The following BNC1 variants were observed in gnomAD, a reference collection of about 807,000 sequenced individuals.
BNC1 encodes basonuclin zinc finger protein 1.
Under a neutral mutation model 66.5 loss-of-function variants are expected in BNC1, and 8 were observed. The ratio of observed to expected loss-of-function variants is 0.12; its 90% confidence interval spans 0.07 to 0.22. The LOEUF (loss-of-function observed/expected upper bound fraction) is 0.22. Ranked by LOEUF, BNC1 falls within the 10% of genes least tolerant of loss-of-function variation. The pLI is 1.00. For missense variants in BNC1, 1,069 were observed against 1,241.3 expected, an observed-to-expected ratio of 0.86 and a Z score of 2.09; for synonymous variants, 454 against 452.6, an observed-to-expected ratio of 1.00 and a Z score of -0.04.
intron 1 of BNC1, among the ~76,000 whole-genome samples, chr15:83,279,833 T>C (rs903846238): frequency 5.3e-5 from 8 of 152,160 alleles, no homozygotes; most frequent in African/African-American, 1.9e-4. Flanking sequence ...GGTTTCTCAC[T>C]CCAAGTATGA....
chr15:83,275,150 A>G (rs902441029), intron 1 of BNC1, among the ~76,000 whole-genome samples: 2 of 152,266 alleles, frequency 1.3e-5, no homozygotes, highest in African/African-American at 4.8e-5. Flanking sequence ...TAAAGGGCAG[A>G]GACAGGAAAT....
intron 1 of BNC1, among the ~76,000 whole-genome samples, chr15:83,276,657 C>G (rs2038326608): frequency 6.6e-6 from 1 of 152,192 alleles, no homozygotes. Context: ...ACTGTAAGAC[C>G]TGTCTGCCTT....
In BNC1 at chr15:83,263,312, T is replaced by G; in HGVS notation, c.1939A>C (p.Arg647=). Residue 647 remains arginine, a synonymous_variant, in exon 4 of 5, where the codon AGG becomes CGG. Coordinates refer to ENST00000345382, the MANE Select transcript of BNC1 (RefSeq NM_001717.4). ...EQTPALIMVP[R]EVEDGGHEHY... ...TCATGGCCACCATCCTCGACCTCCC[T>G]TGGCACCATGATCAATGCTGGTGTC... The G allele has an allele frequency of 6.2e-7, 1 of 1,614,220 alleles. No homozygotes were observed. The highest frequency in any genetic ancestry group is 8.5e-7 in the Non-Finnish European group (1 of 1,180,038).
rs148160146 is a variant in BNC1 at position 83,260,597 on chromosome 15, A to G, written c.2300+2354T>C. ...TTCACTGCAGAAGTAATCACATTCAACTGTAATTGCCTGTTTCTGGTCTGT... is the reference window on the plus strand; with the variant it reads ...TTCACTGCAGAAGTAATCACATTCAGCTGTAATTGCCTGTTTCTGGTCTGT... On this transcript the variant is annotated intron_variant, in intron 4 of 4. Coordinates refer to ENST00000345382, the MANE Select transcript of BNC1 (RefSeq NM_001717.4). Among the ~76,000 whole-genome samples the G allele has an allele frequency of 1.4e-3, 214 of 152,250 alleles. 1 individual carries two copies. The highest frequency in any genetic ancestry group is 2.2e-3 in the Admixed American group (33 of 15,288).
At chr15:83,266,267 G>A (rs1423613082) in intron 3 of BNC1, among the ~76,000 whole-genome samples, 1 of 139,578 alleles carries the variant, frequency 7.2e-6, no homozygotes, top group Non-Finnish European at 1.6e-5. Context: ...GGGAGGGAGG[G>A]AGGGAGGGAG....
At chr15:83,283,064 T>TGGCCCCC in intron 1 of BNC1, 1 of 1,477,582 alleles carries the variant, frequency 6.8e-7, no homozygotes, top group Non-Finnish European at 9.1e-7. Context: ...GAGCGTCTGA[T>TGGCCCCC]GCCCCCCGCC....
In BNC1 at chr15:83,257,724, AG is replaced by A; in HGVS notation, c.2702del (p.Pro901LeufsTer11). On this transcript the variant is annotated frameshift_variant, in exon 5 of 5. Transcript: ENST00000345382. LOFTEE classifies it high-confidence loss of function. ...CACAGATGGGGTACTCATCTTCCCC[AG>A]GGACAAGGCTCGACCCTTCACAGTT... The part of the protein sequence containing the change: ...DGNCEGSSLV[P>X]GEDEYPICVL... 2 of 1,614,186 alleles carry A rather than the reference AG, an allele frequency of 1.2e-6. No homozygotes were observed.
rs1243944875 is a variant in BNC1 at position 83,257,435 on chromosome 15, C to T, written c.*7G>A. ...GCTTATCTGAGCATACTTGGTTTGC[C>T]ATCTTGTTACTGGAGGTGACTTGGA... On this transcript the variant is annotated 3_prime_UTR_variant, in exon 5 of 5. Coordinates refer to ENST00000345382, the MANE Select transcript of BNC1 (RefSeq NM_001717.4). The T allele has an allele frequency of 6.2e-7, 1 of 1,606,598 alleles. No individual in the cohort carries two copies. Among genetic ancestry groups the T allele is most frequent in the African/African-American group, 1.3e-5 (1 of 74,576 alleles).
intron 1 of BNC1, among the ~76,000 whole-genome samples, chr15:83,283,885 G>C (rs1378990533): frequency 6.6e-6 from 1 of 152,146 alleles, no homozygotes; most frequent in African/African-American, 2.4e-5. Flanking sequence ...TGGGTTTTTT[G>C]TTCTTGTGGG....
intron 1 of BNC1, among the ~76,000 whole-genome samples, chr15:83,271,489 C>T (rs1300601122): frequency 6.6e-6 from 1 of 152,134 alleles, no homozygotes; most frequent in Non-Finnish European, 1.5e-5. Flanking sequence ...AGGTTTTGCT[C>T]TTGTAAACTG....
At chr15:83,271,409 T>G (rs1782428381) in intron 1 of BNC1, among the ~76,000 whole-genome samples, 1 of 152,150 alleles carries the variant, frequency 6.6e-6, no homozygotes, top group African/African-American at 2.4e-5. Context: ...AACTGAGGTG[T>G]ACAGTAAATA....
At chr15:83,283,197 T>A in intron 1 of BNC1, 2 of 1,535,630 alleles carry the variant, frequency 1.3e-6, no homozygotes, top group Non-Finnish European at 1.7e-6. Flanking sequence ...GAGAAGAACA[T>A]GTTTCTACAC....
chr15:83,267,279 T>C (rs2038227415), intron 2 of BNC1, among the ~76,000 whole-genome samples: 1 of 152,170 alleles, frequency 6.6e-6, no homozygotes, highest in African/African-American at 2.4e-5. Flanking sequence ...GAGACTTTTC[T>C]CCCTTTCTTG....
chr15:83,267,788 CTGT>C (rs980170856), intron 2 of BNC1, among the ~76,000 whole-genome samples: 3 of 152,144 alleles, frequency 2.0e-5, no homozygotes, highest in African/African-American at 7.2e-5. Context: ...AAAAAACAAT[CTGT>C]TGTTTATCTG....
intron 1 of BNC1, among the ~76,000 whole-genome samples, chr15:83,281,796 A>G (rs1378288210): frequency 6.6e-6 from 1 of 152,196 alleles, no homozygotes; most frequent in Non-Finnish European, 1.5e-5. Flanking sequence ...AGGGACAACT[A>G]CTTTGTTCCA....
At chr15:83,283,344 G>A (rs2038403224) in intron 1 of BNC1, 1 of 1,444,118 alleles carries the variant, frequency 6.9e-7, no homozygotes, top group African/African-American at 1.4e-5. Context: ...GCGGGGCTCC[G>A]GGTCTGGGCG....
intron 1 of BNC1, among the ~76,000 whole-genome samples, chr15:83,273,788 C>A (rs1671208400): frequency 6.6e-6 from 1 of 152,144 alleles, no homozygotes; most frequent in Non-Finnish European, 1.5e-5. Context: ...CCACAGGCCT[C>A]TTGTCAGGAG....
At chr15:83,260,273 A>G in intron 4 of BNC1, among the ~76,000 whole-genome samples, 1 of 152,330 alleles carries the variant, frequency 6.6e-6, no homozygotes, top group East Asian at 1.9e-4. Flanking sequence ...CAAAAATGTA[A>G]AACAAAGCCA....
intron 4 of BNC1, among the ~76,000 whole-genome samples, chr15:83,262,206 C>A (rs1475447653): frequency 6.6e-6 from 1 of 152,066 alleles, no homozygotes; most frequent in African/African-American, 2.4e-5. Context: ...GTGCATGCCA[C>A]CACGCCCAGC....
Sources: allele counts gnomAD v4.1 joint callset (sites outside exome capture counted in the v4.1 genomes callset), GRCh38; gene constraint gnomAD v4.1.1; transcripts MANE v1.5; gene names NCBI Gene and HGNC (gene_info 2026-07-23, HGNC 2026-07-21).